The following ERC2 variants were observed in gnomAD, a reference collection of about 807,000 sequenced individuals.
The protein encoded by ERC2 is ELKS/RAB6-interacting/CAST family member 2, also known as ERC protein 2.
In ERC2, 42 loss-of-function variants were observed where a neutral mutation model predicts 114.8. That is an observed-to-expected ratio of 0.37 (90% CI 0.29 to 0.47). The LOEUF (loss-of-function observed/expected upper bound fraction) is 0.47, where lower values mean the gene tolerates loss of function less well. Ranked by LOEUF, ERC2 falls within the 20% of genes least tolerant of loss-of-function variation. ERC2 has a pLI of 0.99. For missense variants in ERC2, 939 were observed against 1,150.7 expected (o/e 0.82, Z 2.66); for synonymous variants, 454 against 425.5 (o/e 1.07, Z -0.82).
intron 11 of ERC2, among the ~76,000 whole-genome samples, chr3:55,990,973 T>C (rs1251412596): frequency 2.6e-5 from 4 of 152,108 alleles, no homozygotes; most frequent in Non-Finnish European, 1.5e-5. Context: ...CGTGCACCTG[T>C]AGTCCCAGCT....
At chr3:56,386,722 C>T (rs2059946399) in intron 2 of ERC2, among the ~76,000 whole-genome samples, 1 of 152,118 alleles carries the variant, frequency 6.6e-6, no homozygotes, top group Non-Finnish European at 1.5e-5. Context: ...AAGAGAGCAC[C>T]AGTGACATTG....
chr3:55,922,493 G>GA (rs903244661), intron 13 of ERC2, among the ~76,000 whole-genome samples: 4 of 152,004 alleles, frequency 2.6e-5, no homozygotes, highest in African/African-American at 9.7e-5. Flanking sequence ...AAGAAGAAAA[G>GA]ATGCCAGTAG....
intron 2 of ERC2, among the ~76,000 whole-genome samples, chr3:56,416,097 C>T (rs902376781): frequency 3.9e-5 from 6 of 152,190 alleles, no homozygotes; most frequent in Admixed American, 6.5e-5. Flanking sequence ...AGGGAAAAGA[C>T]GTGATTTGGC....
chr3:56,388,646 C>G (rs1376351557), intron 2 of ERC2, among the ~76,000 whole-genome samples: 1 of 152,176 alleles, frequency 6.6e-6, no homozygotes, highest in African/African-American at 2.4e-5. Context: ...AATTACACCT[C>G]TTCTCAGAGG....
At chr3:56,027,975 G>T (rs1189814745) in intron 7 of ERC2, among the ~76,000 whole-genome samples, 2 of 152,030 alleles carry the variant, frequency 1.3e-5, no homozygotes, top group African/African-American at 2.4e-5. Flanking sequence ...TTTGCATAAG[G>T]TGTGAAGTTT....
intron 17 of ERC2, among the ~76,000 whole-genome samples, chr3:55,620,607 T>C (rs1234359687): frequency 6.6e-6 from 1 of 152,178 alleles, no homozygotes; most frequent in Non-Finnish European, 1.5e-5. Context: ...AGGTATATGG[T>C]CTTGGATTTG....
intron 10 of ERC2, among the ~76,000 whole-genome samples, chr3:55,996,056 G>GA (rs1559993165): frequency 6.6e-6 from 1 of 152,142 alleles, no homozygotes; most frequent in African/African-American, 2.4e-5. Context: ...ACACTACAGC[G>GA]AAAAAAGCAG....
At chr3:55,633,396 A>T (rs2148632735) in intron 17 of ERC2, among the ~76,000 whole-genome samples, 1 of 152,302 alleles carries the variant, frequency 6.6e-6, no homozygotes, top group Admixed American at 6.5e-5. Context: ...TGACTCCCTC[A>T]CATGACCTTT....
chr3:55,576,575 A>T (rs532356005), intron 17 of ERC2, among the ~76,000 whole-genome samples: 1 of 152,206 alleles, frequency 6.6e-6, no homozygotes, highest in African/African-American at 2.4e-5. Context: ...CTGCTGCCCA[A>T]GGGCTTCTCA....
intron 17 of ERC2, among the ~76,000 whole-genome samples, chr3:55,594,174 C>T (rs1008480702): frequency 1.3e-5 from 2 of 152,044 alleles, no homozygotes; most frequent in Non-Finnish European, 2.9e-5. Context: ...ATGCAAATGA[C>T]TACAGAAAGA....
intron 3 of ERC2, among the ~76,000 whole-genome samples, chr3:56,220,728 A>G (rs953792592): frequency 6.6e-6 from 1 of 152,208 alleles, no homozygotes; most frequent in Admixed American, 6.5e-5. Context: ...TTTCTAGACT[A>G]ACACATCTGA....
rs115800972 is a variant in ERC2 at position 56,162,625 on chromosome 3, G to A, written c.1149+10821C>T. Among the ~76,000 whole-genome samples the A allele has an allele frequency of 2.6e-3, 398 of 152,186 alleles. 1 individual carries two copies. Among genetic ancestry groups the A allele is most frequent in the South Asian group, 0.018 (86 of 4,824 alleles). ...ATCTTGGGAGAGTGTGTGTTTCCACGAATTTACCCAGTTCCTCTAGATTTT... is the reference window on the plus strand; with the variant it reads ...ATCTTGGGAGAGTGTGTGTTTCCACAAATTTACCCAGTTCCTCTAGATTTT... On this transcript the variant is annotated intron_variant, in intron 4 of 17. Transcript: ENST00000288221.
Position 55,699,391 on chromosome 3 carries a change from G to C in ERC2, c.2834C>G (p.Pro945Arg). The C allele has an allele frequency of 6.2e-7, 1 of 1,613,758 alleles. No homozygotes were observed. Among genetic ancestry groups the C allele is most frequent in the Non-Finnish European group, 8.5e-7 (1 of 1,179,804 alleles). Reference sequence around the variant, plus strand: ...GATGAAACTGACCTGGTCCGGAGAGGGCCTGTGATTGGAATGTTGCGACCT... The same window carrying C: ...GATGAAACTGACCTGGTCCGGAGAGCGCCTGTGATTGGAATGTTGCGACCT... ...PGRSQHSNHR[P>R]SPDQDDEEGI... Residue 945 changes from proline to arginine, a missense_variant, in exon 16 of 18, where the codon CCC becomes CGC. Pro to Arg is a moderately radical substitution (Grantham distance 103). This residue lies in a region of ERC2 where 328 missense variants were observed against 353.9 expected (regional missense o/e 0.93). Transcript: ENST00000288221.
chr3:56,402,128 G>C lies in ERC2; in HGVS notation c.657+32223C>G, dbSNP rs1290308141. Reference sequence around the variant, plus strand: ...ATTATCTTCACCTGGACCAGCCCTTGATACGTAGGGATTATTAAAATTCAA... The same window carrying C: ...ATTATCTTCACCTGGACCAGCCCTTCATACGTAGGGATTATTAAAATTCAA... On this transcript the variant is annotated intron_variant, in intron 2 of 17. Coordinates refer to ENST00000288221, the MANE Select transcript of ERC2 (RefSeq NM_015576.3). Among the ~76,000 whole-genome samples the C allele has an allele frequency of 9.1e-4, 138 of 152,132 alleles. 2 individuals are homozygous for C. Among genetic ancestry groups the C allele is most frequent in the Admixed American group, 9.0e-3 (138 of 15,262 alleles).
chr3:56,090,207 A>C (rs1341938356), intron 6 of ERC2, among the ~76,000 whole-genome samples: 1 of 152,208 alleles, frequency 6.6e-6, no homozygotes, highest in East Asian at 1.9e-4. Context: ...CAGCAGCTGC[A>C]TCATCAAAAA....
chr3:56,247,077 A>C (rs2051761296), intron 3 of ERC2, among the ~76,000 whole-genome samples: 1 of 152,218 alleles, frequency 6.6e-6, no homozygotes, highest in Non-Finnish European at 1.5e-5. Context: ...GAGAACTAAA[A>C]ACTGGTGTGG....
intron 2 of ERC2, among the ~76,000 whole-genome samples, chr3:56,375,380 C>A (rs921419067): frequency 1.5e-4 from 23 of 152,334 alleles, no homozygotes; most frequent in African/African-American, 4.6e-4. Context: ...GTCAGGCAAA[C>A]AGGGTAGGCC....
At chr3:55,845,728 T>G (rs374631280) in intron 14 of ERC2, among the ~76,000 whole-genome samples, 2 of 152,240 alleles carry the variant, frequency 1.3e-5, no homozygotes, top group African/African-American at 4.8e-5. Context: ...TGGCGTATAA[T>G]GAATGCCTGG....
intron 17 of ERC2, among the ~76,000 whole-genome samples, chr3:55,555,902 G>C (rs2055572179): frequency 6.6e-6 from 1 of 152,302 alleles, no homozygotes; most frequent in African/African-American, 2.4e-5. Context: ...GGAAAGAGCA[G>C]CCCATTCAAT....
Sources: allele counts gnomAD v4.1 joint callset (sites outside exome capture counted in the v4.1 genomes callset), GRCh38; gene constraint gnomAD v4.1.1; regional missense constraint gnomAD v4.1.1; transcripts MANE v1.5; gene names NCBI Gene and HGNC (gene_info 2026-07-23, HGNC 2026-07-21).